Variants in CDH4 observed in about 807,000 individuals in gnomAD.
CDH4 encodes cadherin 4, also known as cadherin-4.
A neutral mutation model predicts 86.0 loss-of-function variants in CDH4; 33 were observed. The observed-to-expected ratio is 0.38, with a 90% confidence interval of 0.29 to 0.51. CDH4 has a LOEUF of 0.51. CDH4 is among the 20% of genes least tolerant of loss of function. The probability of loss-of-function intolerance (pLI) is 0.86; values close to 1 mark genes in which losing one functional copy is unlikely to be tolerated. For missense variants in CDH4, 1,114 were observed against 1,307.4 expected, an observed-to-expected ratio of 0.85 and a Z score of 2.28; for synonymous variants, 555 against 549.4, an observed-to-expected ratio of 1.01 and a Z score of -0.14.
At chr20:61,452,076 T>C (rs2085383984) in intron 2 of CDH4, among the ~76,000 whole-genome samples, 1 of 152,164 alleles carries the variant, frequency 6.6e-6, no homozygotes, top group Non-Finnish European at 1.5e-5. Flanking sequence ...TTCCTTTCAT[T>C]TGTGGATTGT....
In CDH4 at chr20:61,934,147, T is replaced by C; in HGVS notation, c.2471T>C (p.Val824Ala). The stretch of plus-strand genomic sequence containing the variant: ...GTGCGTCGCGTGGATGAGCGGCCGG[T>C]GGGCGCTGAGCCCCAGTACCCGATC... ...PGVRRVDERP[V>A]GAEPQYPIRP... Residue 824 changes from valine to alanine, a missense_variant, in exon 15 of 16, where the codon GTG becomes GCG. Val to Ala is a moderately conservative substitution (Grantham distance 64, BLOSUM62 0). Coordinates refer to ENST00000614565, the MANE Select transcript of CDH4 (RefSeq NM_001794.5). 1 of 1,610,324 alleles carries C rather than the reference T, an allele frequency of 6.2e-7. No homozygotes were observed. Among genetic ancestry groups the C allele is most frequent in the Non-Finnish European group, 8.5e-7 (1 of 1,178,702 alleles).
intron 3 of CDH4, among the ~76,000 whole-genome samples, chr20:61,763,360 G>A (rs142089859): frequency 1.0e-3 from 152 of 152,276 alleles, no homozygotes; most frequent in African/African-American, 3.5e-3. Context: ...TCTGCACCAC[G>A]CTGGGGTTTT....
intron 2 of CDH4, among the ~76,000 whole-genome samples, chr20:61,584,084 C>G (rs1432266242): frequency 6.6e-6 from 1 of 152,180 alleles, no homozygotes; most frequent in Non-Finnish European, 1.5e-5. Context: ...CACTTGAACT[C>G]AGGAAACAGA....
intron 2 of CDH4, among the ~76,000 whole-genome samples, chr20:61,363,375 C>T (rs4073145): frequency 0.44 from 66,988 of 151,858 alleles, 15,406 homozygotes; most frequent in East Asian, 0.68. Context: ...CCTTATGGAG[C>T]GCCAGTCTTT....
intron 6 of CDH4, among the ~76,000 whole-genome samples, chr20:61,872,631 G>A (rs188919692): frequency 1.3e-5 from 2 of 152,314 alleles, no homozygotes; most frequent in African/African-American, 2.4e-5. Flanking sequence ...CTGCAGGGCC[G>A]GGCACCCGAG....
At chr20:61,652,941 T>TTTTTTTA (rs1555819725) in intron 2 of CDH4, among the ~76,000 whole-genome samples, 46 of 116,000 alleles carry the variant, frequency 4.0e-4, no homozygotes, top group African/African-American at 1.4e-3. Context: ...TTTATTTATT[T>TTTTTTTA]TTTTTTTTTT....
At chr20:61,906,801 C>G (rs374055769) in intron 8 of CDH4, among the ~76,000 whole-genome samples, 3 of 151,892 alleles carry the variant, frequency 2.0e-5, no homozygotes, top group African/African-American at 7.3e-5. Flanking sequence ...GGGAATGGCC[C>G]GGGGTCAGGT....
rs2084515401 is a variant in CDH4, at chr20:61,322,715, G to A, written c.169+67778G>A. Among the ~76,000 whole-genome samples the A allele has an allele frequency of 3.3e-5, 5 of 152,314 alleles. No homozygotes were observed. In the South Asian group the frequency reaches 1.0e-3, roughly 32 times the overall value. ...CCAACGCTGAGACGCAGCCACCGAG[G>A]GGTAGCATCCTGGAAGGAACAGATA... On this transcript the variant is annotated intron_variant, in intron 2 of 15. Coordinates refer to ENST00000614565, the MANE Select transcript of CDH4 (RefSeq NM_001794.5).
In CDH4 at chr20:61,622,981, T is replaced by C. The variant is rs113476556; in HGVS notation, c.170-120582T>C. 9.6e-3 allele frequency among the ~76,000 whole-genome samples: 1,462 copies of C among 152,272 alleles called. 23 individuals are homozygous for C. Among genetic ancestry groups the C allele is most frequent in the African/African-American group, 0.034 (1,415 of 41,538 alleles). On this transcript the variant is annotated intron_variant, in intron 2 of 15. Coordinates refer to ENST00000614565, the MANE Select transcript of CDH4 (RefSeq NM_001794.5). ...CCTGGAGCCCTCACTCGGAAGCTGC[T>C]TGGGACAGTGGGATAGGCCTGTTAC... is the stretch of plus-strand genomic sequence containing the variant.
chr20:61,776,714 T>C (rs2088846636), intron 4 of CDH4, among the ~76,000 whole-genome samples: 1 of 152,152 alleles, frequency 6.6e-6, no homozygotes, highest in South Asian at 2.1e-4. Context: ...ACTGTGAAGG[T>C]TGGTGGGCAG....
chr20:61,671,851 T>C (rs1049685122), intron 2 of CDH4, among the ~76,000 whole-genome samples: 14 of 146,770 alleles, frequency 9.5e-5, no homozygotes, highest in Admixed American at 4.1e-4. Context: ...GGGTGGAAGG[T>C]GGATGGATGA....
At chr20:61,906,604 C>T (rs1376986016) in intron 8 of CDH4, among the ~76,000 whole-genome samples, 2 of 152,200 alleles carry the variant, frequency 1.3e-5, no homozygotes, top group Non-Finnish European at 1.5e-5. Flanking sequence ...GTGTCCCCAG[C>T]GGAGGGAGTG....
intron 2 of CDH4, among the ~76,000 whole-genome samples, chr20:61,369,029 C>T (rs1173896276): frequency 6.6e-6 from 1 of 152,164 alleles, no homozygotes; most frequent in African/African-American, 2.4e-5. Flanking sequence ...GAGCAACATT[C>T]TGTAGTTCGT....
chr20:61,504,438 G>A (rs2085726018), intron 2 of CDH4, among the ~76,000 whole-genome samples: 1 of 152,174 alleles, frequency 6.6e-6, no homozygotes, highest in African/African-American at 2.4e-5. Flanking sequence ...GAGGTGGGGT[G>A]TTTGTGGTGA....
chr20:61,905,082 TAGATTACAGTCTC>T, intron 8 of CDH4, among the ~76,000 whole-genome samples: 1 of 152,358 alleles, frequency 6.6e-6, no homozygotes, highest in South Asian at 2.1e-4. Flanking sequence ...AGTTGAATTC[TAGATTACAGTCTC>T]GGCAACAAAT....
intron 4 of CDH4, among the ~76,000 whole-genome samples, chr20:61,784,002 G>GA (rs1269278350): frequency 5.0e-4 from 8 of 16,076 alleles, no homozygotes; most frequent in Middle Eastern, 0.029. Context: ...GCCCCCAGGA[G>GA]AATGTAAGCC....
At chr20:61,628,302 C>T (rs2086851104) in intron 2 of CDH4, among the ~76,000 whole-genome samples, 2 of 152,054 alleles carry the variant, frequency 1.3e-5, no homozygotes, top group Non-Finnish European at 2.9e-5. Context: ...CACTGCCGCC[C>T]CCACCCCTCT....
intron 4 of CDH4, among the ~76,000 whole-genome samples, chr20:61,822,515 G>A (rs958302101): frequency 2.6e-5 from 4 of 152,074 alleles, no homozygotes; most frequent in Non-Finnish European, 5.9e-5. Flanking sequence ...CCTCGCTATC[G>A]ATCTACAAGG....
intron 2 of CDH4, among the ~76,000 whole-genome samples, chr20:61,643,814 A>C (rs6089450): frequency 0.35 from 53,319 of 152,168 alleles, 9,393 homozygotes; most frequent in East Asian, 0.48. Flanking sequence ...AATCCATCTG[A>C]GTTCCCCTCG....
Sources: allele counts gnomAD v4.1 joint callset (sites outside exome capture counted in the v4.1 genomes callset), GRCh38; gene constraint gnomAD v4.1.1; transcripts MANE v1.5; gene names NCBI Gene and HGNC (gene_info 2026-07-23, HGNC 2026-07-21).